ANKRD30BL: variants seen among roughly 807,000 people sequenced by gnomAD.
The protein encoded by ANKRD30BL is ankyrin repeat domain 30B like.
ANKRD30BL carries 20 observed loss-of-function variants against 18.4 expected under a neutral mutation model. The ratio of observed to expected loss-of-function variants is 1.09; its 90% CI spans 0.77 to 1.58. The LOEUF (loss-of-function observed/expected upper bound fraction) is 1.58. ANKRD30BL is among the 40% of genes most tolerant of loss of function. The pLI is 0.00. For synonymous variants in ANKRD30BL, 72 were observed against 100.9 expected, an observed-to-expected ratio of 0.71 and a Z score of 1.72; for missense variants, 224 against 268.6, an observed-to-expected ratio of 0.83 and a Z score of 1.16.
chr2:132,232,980 G>A (rs190529616), intron 1 of ANKRD30BL, among the ~76,000 whole-genome samples: 21 of 152,228 alleles, frequency 1.4e-4, no homozygotes, highest in South Asian at 1.2e-3. Context: ...GACTAACAGC[G>A]GATCTCTTGG....
rs536776421 is a variant in ANKRD30BL at position 132,227,510 on chromosome 2, A to G, written n.441+30019T>C. 5.3e-5 allele frequency among the ~76,000 whole-genome samples: 8 copies of G among 151,728 alleles called. No individual in the cohort carries two copies. In the South Asian group the frequency reaches 1.0e-3, roughly 20 times the overall value. On this transcript the variant is annotated intron_variant and non_coding_transcript_variant, in intron 1 of 4. Coordinates refer to the ANKRD30BL transcript ENST00000470729. The stretch of plus-strand genomic sequence containing the variant: ...TTAGTAGAATCTGCAAGTGGATATT[A>G]GGTACCCCTTGAGACCCTCCTTGGA...
chr2:132,202,265 C>T (rs972936337), intron 1 of ANKRD30BL, among the ~76,000 whole-genome samples: 86 of 151,870 alleles, frequency 5.7e-4, no homozygotes, highest in Admixed American at 3.7e-3. Context: ...ACATTGTGCA[C>T]ATGTACCCTA....
chr2:132,220,658 A>G (rs1236678132), intron 1 of ANKRD30BL, among the ~76,000 whole-genome samples: 2 of 151,608 alleles, frequency 1.3e-5, no homozygotes, highest in African/African-American at 4.9e-5. Flanking sequence ...AGTCTCGTTC[A>G]CTCAGTGCTC....
chr2:132,223,667 A>C (rs904511239), intron 1 of ANKRD30BL, among the ~76,000 whole-genome samples: 11 of 151,626 alleles, frequency 7.3e-5, no homozygotes, highest in Admixed American at 2.0e-4. Flanking sequence ...CTTCCTTGTG[A>C]TGTGTACATT....
chr2:132,162,418 G>T (rs1001055771), upstream of ANKRD30BL, among the ~76,000 whole-genome samples: 3 of 152,174 alleles, frequency 2.0e-5, no homozygotes, highest in Admixed American at 1.3e-4. Context: ...GAGCATCGCC[G>T]AGTACATCGC....
rs992296028 is a variant in ANKRD30BL, at chr2:132,191,178, A to G, written n.442-34032T>C. ...CAGTTTCTAGAATTTTGTAATAATA[A>G]ACTTTTATAATATACCTACTGTTGT... On this transcript the variant is annotated intron_variant and non_coding_transcript_variant, in intron 1 of 4. Coordinates refer to the ANKRD30BL transcript ENST00000470729. 2.0e-4 allele frequency among the ~76,000 whole-genome samples: 31 copies of G among 152,288 alleles called. 1 individual carries two copies. Among genetic ancestry groups the G allele is most frequent in the African/African-American group, 7.0e-4 (29 of 41,574 alleles).
At chr2:132,171,962 C>G (rs1688291578) in intron 1 of ANKRD30BL, among the ~76,000 whole-genome samples, 1 of 152,134 alleles carries the variant, frequency 6.6e-6, no homozygotes, top group Non-Finnish European at 1.5e-5. Context: ...CAATATTTAT[C>G]CTTTTGCATC....
At chr2:132,215,739 G>A (rs1212731737) in intron 1 of ANKRD30BL, among the ~76,000 whole-genome samples, 1 of 151,954 alleles carries the variant, frequency 6.6e-6, no homozygotes, top group African/African-American at 2.4e-5. Context: ...AATTCTTTGT[G>A]ATGTGTGCAT....
At chr2:132,195,181 T>A (rs1369105325) in intron 1 of ANKRD30BL, among the ~76,000 whole-genome samples, 3 of 152,126 alleles carry the variant, frequency 2.0e-5, no homozygotes, top group Non-Finnish European at 2.9e-5. Flanking sequence ...ATAAAGAGTC[T>A]CCATTTAGAT....
intron 1 of ANKRD30BL, among the ~76,000 whole-genome samples, chr2:132,214,247 GC>G (rs1206358635): frequency 6.6e-6 from 1 of 151,982 alleles, no homozygotes; most frequent in African/African-American, 2.4e-5. Context: ...TTTTAATTGA[GC>G]AGTTTTGAAA....
intron 1 of ANKRD30BL, among the ~76,000 whole-genome samples, chr2:132,157,843 T>C (rs1427044803): frequency 2.0e-5 from 3 of 152,196 alleles, no homozygotes; most frequent in African/African-American, 4.8e-5. Context: ...CAGTAATTGA[T>C]AGATAATGTA....
intron 1 of ANKRD30BL, among the ~76,000 whole-genome samples, chr2:132,254,747 C>T (rs1028475004): frequency 3.3e-5 from 5 of 152,174 alleles, no homozygotes; most frequent in African/African-American, 7.2e-5. Context: ...GGTGGCTGAA[C>T]GCCACTTGTC....
At chr2:132,166,221 T>A (rs1355488608), upstream of ANKRD30BL, among the ~76,000 whole-genome samples, 1 of 152,176 alleles carries the variant, frequency 6.6e-6, no homozygotes, top group Non-Finnish European at 1.5e-5. Context: ...GATTATTGAA[T>A]CTTTGTTCAT....
intron 1 of ANKRD30BL, among the ~76,000 whole-genome samples, chr2:132,174,605 T>C (rs776950862): frequency 1.3e-5 from 2 of 152,300 alleles, no homozygotes; most frequent in East Asian, 1.9e-4. Context: ...GTGTAAGATA[T>C]AGAAATATTA....
At chr2:132,253,343 G>C (rs1234992267) in intron 1 of ANKRD30BL, 1 of 152,636 alleles carries the variant, frequency 6.6e-6, no homozygotes, top group East Asian at 1.9e-4. Context: ...CCCAACAACG[G>C]GAGGCCCTCC....
At chr2:132,241,985 A>T (rs1206882166) in intron 1 of ANKRD30BL, among the ~76,000 whole-genome samples, 1 of 151,730 alleles carries the variant, frequency 6.6e-6, no homozygotes, top group Non-Finnish European at 1.5e-5. Flanking sequence ...GCAAGTGGCC[A>T]TTTGGTGTGA....
chr2:132,223,880 G>C (rs200794630), intron 1 of ANKRD30BL, among the ~76,000 whole-genome samples: 1 of 151,868 alleles, frequency 6.6e-6, no homozygotes. Flanking sequence ...CTTTATCATA[G>C]AGCAGTTTTG....
At chr2:132,225,142 G>A (rs1238406937) in intron 1 of ANKRD30BL, among the ~76,000 whole-genome samples, 4 of 151,928 alleles carry the variant, frequency 2.6e-5, no homozygotes, top group Non-Finnish European at 5.9e-5. Flanking sequence ...CGTTGGAAAC[G>A]GGAATATCTT....
At chr2:132,240,365 T>C (rs1169479691) in intron 1 of ANKRD30BL, among the ~76,000 whole-genome samples, 1 of 151,860 alleles carries the variant, frequency 6.6e-6, no homozygotes, top group Non-Finnish European at 1.5e-5. Context: ...CTTCTTGTGA[T>C]GTTTGCATTC....
Sources: allele counts gnomAD v4.1 joint callset (sites outside exome capture counted in the v4.1 genomes callset), GRCh38; gene constraint gnomAD v4.1.1; transcripts MANE v1.5; gene names NCBI Gene and HGNC (gene_info 2026-07-23, HGNC 2026-07-21).